MCF2L2: variants seen among roughly 807,000 people sequenced by gnomAD.
MCF2L2 encodes the protein MCF.2 cell line derived transforming sequence-like 2.
MCF2L2 carries 102 observed loss-of-function variants against 150.2 expected under a neutral mutation model. That is an observed-to-expected ratio of 0.68 (90% CI 0.58 to 0.80). MCF2L2 has a LOEUF of 0.80. Ranked by LOEUF, MCF2L2 falls within the 30% of genes least tolerant of loss-of-function variation. The pLI is 0.00. For missense variants in MCF2L2, 1,256 were observed against 1,372.8 expected, an observed-to-expected ratio of 0.91 and a Z score of 1.34; for synonymous variants, 465 against 491.3, an observed-to-expected ratio of 0.95 and a Z score of 0.71.
intron 4 of MCF2L2, among the ~76,000 whole-genome samples, chr3:183,339,594 G>A (rs1035215256): frequency 1.3e-5 from 2 of 152,144 alleles, no homozygotes; most frequent in Admixed American, 1.3e-4. Context: ...TATTCTTGAT[G>A]TATATTATTG....
chr3:183,379,060 T>C, intron 3 of MCF2L2: 1 of 449,996 alleles, frequency 2.2e-6, no homozygotes, highest in Non-Finnish European at 3.9e-6. Context: ...CGACCATGTT[T>C]ACTCTGTCCC....
intron 1 of MCF2L2, among the ~76,000 whole-genome samples, chr3:183,413,956 G>A (rs1046399650): frequency 5.3e-5 from 8 of 152,146 alleles, no homozygotes; most frequent in South Asian, 2.1e-4. Context: ...GAAAATCCAC[G>A]TATAAGTGGA....
At position 183,270,624 on chromosome 3, in the gene MCF2L2, A is replaced by G; in HGVS notation, c.1862+6248T>C. ...AGTCTATGAGGCATCACAGACACTA[A>G]ATTCAAGTCTTTACATAGACGATGT... is the stretch of plus-strand genomic sequence containing the variant. On this transcript the variant is annotated intron_variant, in intron 15 of 29. Transcript: ENST00000328913. The surrounding 1 kb of genome is among the most constrained non-coding windows in gnomAD (Gnocchi z 4.5). 1 of 1,614,202 alleles carries G rather than the reference A, an allele frequency of 6.2e-7. No individual in the cohort carries two copies.
intron 2 of MCF2L2, among the ~76,000 whole-genome samples, chr3:183,381,495 T>A (rs1489243949): frequency 6.6e-6 from 1 of 152,236 alleles, no homozygotes; most frequent in African/African-American, 2.4e-5. Context: ...ATTTTCCAAG[T>A]AAATTGTAAA....
intron 7 of MCF2L2, among the ~76,000 whole-genome samples, chr3:183,317,500 T>C (rs1429966060): frequency 6.6e-6 from 1 of 152,186 alleles, no homozygotes; most frequent in Non-Finnish European, 1.5e-5. Context: ...AATCATTTAA[T>C]AGGTGCCTGA....
chr3:183,264,986 A>C (rs1281933816), intron 15 of MCF2L2, among the ~76,000 whole-genome samples: 2 of 152,220 alleles, frequency 1.3e-5, no homozygotes, highest in Non-Finnish European at 2.9e-5. Flanking sequence ...CCTTCTTCTC[A>C]GTCCAAATAG....
At chr3:183,272,652 G>T in intron 15 of MCF2L2, 3 of 1,002,244 alleles carry the variant, frequency 3.0e-6, no homozygotes, top group Non-Finnish European at 3.6e-6. Flanking sequence ...CAGGGTTTTA[G>T]ATCATTACAG....
At chr3:183,342,710 C>T (rs772805739) in intron 3 of MCF2L2, among the ~76,000 whole-genome samples, 7 of 150,798 alleles carry the variant, frequency 4.6e-5, no homozygotes, top group South Asian at 2.1e-4. Flanking sequence ...CTCAGGACAA[C>T]GCCTGGCACT....
rs143956253 is a variant in MCF2L2 at position 183,275,019 on chromosome 3, C to T, written c.1862+1853G>A. Reference sequence around the variant, plus strand: ...ATCTATCACAAATGTCAATCATGACCATACCTTGCTTAAGTTGGTTTCCCT... The same window carrying T: ...ATCTATCACAAATGTCAATCATGACTATACCTTGCTTAAGTTGGTTTCCCT... On this transcript the variant is annotated intron_variant, in intron 15 of 29. Coordinates refer to ENST00000328913, the MANE Select transcript of MCF2L2 (RefSeq NM_015078.4). Among the ~76,000 whole-genome samples, 368 of 151,920 alleles carry T rather than the reference C, an allele frequency of 2.4e-3. 1 individual carries two copies. Among genetic ancestry groups the T allele is most frequent in the African/African-American group, 7.5e-3 (309 of 41,424 alleles).
chr3:183,187,137 CA>C (rs201797146), intron 27 of MCF2L2, among the ~76,000 whole-genome samples: 6 of 149,902 alleles, frequency 4.0e-5, no homozygotes, highest in Admixed American at 6.6e-5. Context: ...TTGAATAACA[CA>C]AAAAAAAAGA....
intron 13 of MCF2L2, among the ~76,000 whole-genome samples, chr3:183,289,730 C>T (rs1216137450): frequency 6.6e-6 from 1 of 152,172 alleles, no homozygotes; most frequent in Non-Finnish European, 1.5e-5. Flanking sequence ...GTGGCAAGTG[C>T]CTGTAATCCT....
intron 5 of MCF2L2, among the ~76,000 whole-genome samples, chr3:183,327,286 C>T (rs4859108): frequency 0.35 from 53,619 of 151,888 alleles, 13,774 homozygotes; most frequent in African/African-American, 0.73. Context: ...GAGAGCACCA[C>T]TGCACTCCAA....
chr3:183,257,861 C>T (rs928408871), intron 15 of MCF2L2, among the ~76,000 whole-genome samples: 6 of 151,990 alleles, frequency 3.9e-5, no homozygotes, highest in African/African-American at 2.4e-5. Context: ...TTTGACATTT[C>T]CCCACTCAAG....
chr3:183,383,444 G>A (rs1198333407), intron 2 of MCF2L2, among the ~76,000 whole-genome samples: 1 of 152,122 alleles, frequency 6.6e-6, no homozygotes, highest in Non-Finnish European at 1.5e-5. Flanking sequence ...GTGTTGGTCA[G>A]GCTGGTCTCT....
At chr3:183,412,705 ATTTT>A (rs937825482) in intron 1 of MCF2L2, among the ~76,000 whole-genome samples, 1 of 151,724 alleles carries the variant, frequency 6.6e-6, no homozygotes, top group African/African-American at 2.4e-5. Flanking sequence ...GATGCCTTTT[ATTTT>A]TTTTATTTTT....
chr3:183,179,329 C>A lies in MCF2L2; in HGVS notation c.*51G>T. On this transcript the variant is annotated 3_prime_UTR_variant, in exon 30 of 30. Coordinates refer to ENST00000328913, the MANE Select transcript of MCF2L2 (RefSeq NM_015078.4). This position sits in a 1 kb window ranked among gnomAD's most constrained non-coding sequence, Gnocchi z 4.2. ...GGCCCGGGCCCCCACACCGCCTCTCCCGGGAATGCGGGCGCTCTGGAGCCG... is the reference window on the plus strand; with the variant it reads ...GGCCCGGGCCCCCACACCGCCTCTCACGGGAATGCGGGCGCTCTGGAGCCG... 7.2e-7 allele frequency: 1 copy of A among 1,390,056 alleles called. No individual in the cohort carries two copies. The highest frequency in any genetic ancestry group is 9.3e-7 in the Non-Finnish European group (1 of 1,075,564). The allele number at this position is 1,390,056 out of a possible 1,614,324, so 86.1% of individuals were successfully genotyped here.
intron 19 of MCF2L2, 54 bp from the exon 20 acceptor site, chr3:183,223,492 T>C: frequency 7.4e-7 from 1 of 1,353,110 alleles, no homozygotes. Flanking sequence ...ACACACAGAA[T>C]AAAAGTGGCA....
chr3:183,269,534 G>T, intron 15 of MCF2L2: 1 of 387,370 alleles, frequency 2.6e-6, no homozygotes. Context: ...GCCGCATGAG[G>T]CCGCCCACCA....
At chr3:183,220,388 C>A (rs889341466) in intron 20 of MCF2L2, among the ~76,000 whole-genome samples, 3 of 151,968 alleles carry the variant, frequency 2.0e-5, no homozygotes, top group African/African-American at 7.3e-5. Flanking sequence ...AATATTTTCC[C>A]ATGATATTAT....
Sources: allele counts gnomAD v4.1 joint callset (sites outside exome capture counted in the v4.1 genomes callset), GRCh38; gene constraint gnomAD v4.1.1; non-coding constraint Gnocchi (gnomAD v3.1); transcripts MANE v1.5; gene names NCBI Gene and HGNC (gene_info 2026-07-23, HGNC 2026-07-21).